The following HIPK2 variants were observed in gnomAD, a reference collection of about 807,000 sequenced individuals.
HIPK2 encodes the protein homeodomain interacting protein kinase 2, also known as homeodomain-interacting protein kinase 2.
In HIPK2, 27 loss-of-function variants were observed where a neutral mutation model predicts 113.7. That is an observed-to-expected ratio of 0.24 (90% CI 0.17 to 0.33). The LOEUF is 0.33. Among genes scored for constraint, HIPK2 ranks in the 10% least tolerant of loss-of-function variants. The pLI is 1.00. For missense variants in HIPK2, 1,257 were observed against 1,588.0 expected (o/e 0.79, Z 3.54); for synonymous variants, 631 against 642.2 (o/e 0.98, Z 0.26).
rs183856257 is a variant in HIPK2 at position 139,773,248 on chromosome 7, C to T, written c.19+4357G>A. The stretch of plus-strand genomic sequence containing the variant: ...ATATGGCCTAAGTCACAGTGATCAC[C>T]GTGACCCTCAAGCATCTGGGTTTCT... On this transcript the variant is annotated intron_variant, in intron 1 of 14. Coordinates refer to ENST00000406875, the MANE Select transcript of HIPK2 (RefSeq NM_022740.5). Among the ~76,000 whole-genome samples the T allele has an allele frequency of 2.6e-5, 4 of 152,082 alleles. No individual in the cohort carries two copies. In the South Asian group the frequency reaches 6.2e-4, roughly 24 times the overall value.
At chr7:139,679,167 G>A (rs952815511) in intron 2 of HIPK2, among the ~76,000 whole-genome samples, 2 of 152,056 alleles carry the variant, frequency 1.3e-5, no homozygotes, top group African/African-American at 2.4e-5. Flanking sequence ...TTCTCTTGCC[G>A]GATTGCCCTG....
At chr7:139,677,141 G>A (rs945217197) in intron 2 of HIPK2, among the ~76,000 whole-genome samples, 3 of 151,928 alleles carry the variant, frequency 2.0e-5, no homozygotes, top group Non-Finnish European at 2.9e-5. Context: ...GATTACAGGC[G>A]TGAGCCACCA....
intron 2 of HIPK2, among the ~76,000 whole-genome samples, chr7:139,711,867 CT>C (rs771237023): frequency 9.9e-5 from 15 of 152,248 alleles, no homozygotes; most frequent in Non-Finnish European, 2.2e-4. Context: ...CAACTCTGTT[CT>C]TTTGGGTGTC....
Position 139,630,784 on chromosome 7 carries a change from C to T in HIPK2, c.1347+381G>A, listed in dbSNP as rs1800582695. On this transcript the variant is annotated intron_variant, in intron 4 of 14. Coordinates refer to ENST00000406875, the MANE Select transcript of HIPK2 (RefSeq NM_022740.5). This position sits in a 1 kb window ranked among gnomAD's most constrained non-coding sequence, Gnocchi z 4.0. Reference sequence around the variant, plus strand: ...ATGCTCCTTCCTCTTGGCACCCACACCCATTCTTGACCAGGAACAGGGCCC... The same window carrying T: ...ATGCTCCTTCCTCTTGGCACCCACATCCATTCTTGACCAGGAACAGGGCCC... Among the ~76,000 whole-genome samples the T allele has an allele frequency of 1.3e-5, 2 of 152,360 alleles. No homozygotes were observed. Among genetic ancestry groups the T allele is most frequent in the Admixed American group, 6.5e-5 (1 of 15,304 alleles).
intron 2 of HIPK2, among the ~76,000 whole-genome samples, chr7:139,708,101 C>T (rs372762645): frequency 2.4e-4 from 36 of 152,258 alleles, no homozygotes; most frequent in East Asian, 2.1e-3. Context: ...CAATGCCAGG[C>T]TGTCATGCCG....
chr7:139,574,402 C>T (rs1412792760), intron 14 of HIPK2, among the ~76,000 whole-genome samples: 1 of 152,054 alleles, frequency 6.6e-6, no homozygotes, highest in Admixed American at 6.6e-5. Flanking sequence ...CTCTCAGAAG[C>T]GTTGCTGTTT....
In HIPK2 at chr7:139,704,389, ACAC is replaced by A. The variant is rs1215368797; in HGVS notation, c.1103+11540_1103+11542del. ...AACATACACACCCAACACACCACAC[ACAC>A]CACACCCAACACATGCACCCCCTCC... On this transcript the variant is annotated intron_variant, in intron 2 of 14. Coordinates refer to ENST00000406875, the MANE Select transcript of HIPK2 (RefSeq NM_022740.5). Among the ~76,000 whole-genome samples the A allele has an allele frequency of 2.7e-5, 4 of 146,554 alleles. No individual in the cohort carries two copies. The East Asian group carries it at 8.3e-4, about 30-fold the overall frequency.
At chr7:139,715,700 C>T (rs1358697530) in intron 2 of HIPK2, among the ~76,000 whole-genome samples, 1 of 152,238 alleles carries the variant, frequency 6.6e-6, no homozygotes, top group African/African-American at 2.4e-5. Flanking sequence ...TCCCAGGGAG[C>T]CCTTCCAACG....
chr7:139,679,548 T>C (rs1194863456), intron 2 of HIPK2, among the ~76,000 whole-genome samples: 1 of 152,180 alleles, frequency 6.6e-6, no homozygotes, highest in African/African-American at 2.4e-5. Flanking sequence ...TGCCTTTACA[T>C]GGTGCACTGC....
rs140838066 is a variant in HIPK2, at chr7:139,710,845, T to G, written c.1103+5087A>C. Among the ~76,000 whole-genome samples, 873 of 152,170 alleles carry G rather than the reference T, an allele frequency of 5.7e-3. 3 individuals carry two copies. The highest frequency in any genetic ancestry group is 9.5e-3 in the Non-Finnish European group (648 of 68,006). On this transcript the variant is annotated intron_variant, in intron 2 of 14. Coordinates refer to ENST00000406875, the MANE Select transcript of HIPK2 (RefSeq NM_022740.5). ...TGAGTTCTCACGAGATTTGGTTGTT[T>G]AAAAGCATGTAGCACCTACCCCACC...
chr7:139,751,231 TA>T (rs201702315), intron 1 of HIPK2, among the ~76,000 whole-genome samples: 4 of 151,524 alleles, frequency 2.6e-5, no homozygotes, highest in Non-Finnish European at 4.4e-5. Context: ...GTGAAACATT[TA>T]AAAAAAAATG....
At chr7:139,690,928 C>G (rs185726645) in intron 2 of HIPK2, among the ~76,000 whole-genome samples, 2 of 152,294 alleles carry the variant, frequency 1.3e-5, no homozygotes, top group East Asian at 3.9e-4. Flanking sequence ...TAAAGGGACT[C>G]AGACATCCTA....
rs544605371 is a variant in HIPK2 at position 139,573,088 on chromosome 7, C to T, written c.3436G>A (p.Val1146Met). ...GGCAGGACCCGGGGGCCCATGCTCA[C>T]GGGGACCTGGTGGACGATGCTGGCT... ...YPASIVHQVP[V>M]SMGPRVLPSP... Residue 1146 changes from valine to methionine, a missense_variant, in exon 15 of 15, where the codon GTG (valine) becomes ATG (methionine). By Grantham distance (21) the Val-to-Met change is conservative. This residue lies in a region of HIPK2 where 862 missense variants were observed against 1,004.3 expected (regional missense o/e 0.86). Transcript: ENST00000406875. 9.3e-5 allele frequency: 150 copies of T among 1,611,788 alleles called. 1 individual carries two copies. In the Middle Eastern group the frequency reaches 9.9e-4, roughly 11 times the overall value.
chr7:139,721,970 T>C (rs1795424061), intron 1 of HIPK2: 1 of 409,694 alleles, frequency 2.4e-6, no homozygotes, highest in Non-Finnish European at 4.9e-6. Context: ...GGAGTCACCA[T>C]AACCTAGAAC....
Position 139,687,955 on chromosome 7 carries a change from C to G in HIPK2, c.1103+27977G>C, listed in dbSNP as rs140394586. On this transcript the variant is annotated intron_variant, in intron 2 of 14. Transcript: ENST00000406875. ...CTTGGGAAGAACCAGATTCTAGGAT[C>G]TTCCTTAGCCAAGATCTGCAAAGCT... 7.3e-3 allele frequency among the ~76,000 whole-genome samples: 1,109 copies of G among 152,326 alleles called. 42 individuals carry two copies. Among genetic ancestry groups the G allele is most frequent in the Admixed American group, 0.067 (1,021 of 15,310 alleles).
rs569105631 is a variant in HIPK2, at chr7:139,716,262, T to C, written c.773A>G (p.Tyr258Cys). 33 of 1,614,172 alleles carry C rather than the reference T, an allele frequency of 2.0e-5. No homozygotes were observed. The highest frequency in any genetic ancestry group is 1.2e-4 in the African/African-American group (9 of 75,056). The change falls in exon 2 of 15, where the codon TAT becomes TGT. Residue 258 changes from tyrosine (Y) to cysteine (C), a missense_variant. This residue lies in a region of HIPK2 where 78 missense variants were observed against 145.7 expected (regional missense o/e 0.54). Coordinates refer to ENST00000406875, the MANE Select transcript of HIPK2 (RefSeq NM_022740.5). This position sits in a 1 kb window ranked among gnomAD's most constrained non-coding sequence, Gnocchi z 9.3. ...ARLSTESADD[Y>C]NFVRAYECFQ... ...GCATTCGTAGGCCCGGACGAAGTTA[T>C]AGTCATCGGCACTCTCCGTGCTCAA...
chr7:139,688,288 T>G (rs1329263987), intron 2 of HIPK2, among the ~76,000 whole-genome samples: 1 of 152,238 alleles, frequency 6.6e-6, no homozygotes, highest in African/African-American at 2.4e-5. Flanking sequence ...TCTCATTCTC[T>G]TGGTCTGGCA....
intron 11 of HIPK2, among the ~76,000 whole-genome samples, chr7:139,598,160 A>G (rs189715530): frequency 1.9e-4 from 29 of 152,330 alleles, no homozygotes; most frequent in Non-Finnish European, 3.8e-4. Flanking sequence ...ATTTGGGACA[A>G]TTTTGGAGTT....
chr7:139,762,553 G>C (rs192384781), intron 1 of HIPK2, among the ~76,000 whole-genome samples: 1 of 152,108 alleles, frequency 6.6e-6, no homozygotes, highest in Non-Finnish European at 1.5e-5. Flanking sequence ...TTGACAATAC[G>C]GATACACGTG....
Sources: gnomAD v4.1 joint callset for allele counts (sites outside exome capture counted in the v4.1 genomes callset) on GRCh38, gnomAD v4.1.1 for gene constraint, gnomAD v4.1.1 regional missense constraint, Gnocchi (gnomAD v3.1) non-coding constraint, MANE v1.5 for transcripts, NCBI Gene and HGNC (gene_info 2026-07-23, HGNC 2026-07-21) for gene names.